The following WWC1 variants were observed in gnomAD, a reference collection of about 807,000 sequenced individuals.
WWC1 encodes the protein protein KIBRA.
WWC1 carries 55 observed loss-of-function variants against 138.4 expected under a neutral mutation model. The observed-to-expected ratio is 0.40, with a 90% CI of 0.32 to 0.50. The LOEUF (loss-of-function observed/expected upper bound fraction) is 0.50. Ranked by LOEUF, WWC1 falls within the 20% of genes least tolerant of loss-of-function variation. The pLI is 0.72. For missense variants in WWC1, 1,226 were observed against 1,420.4 expected (o/e 0.86, Z 2.20); for synonymous variants, 524 against 564.9 (o/e 0.93, Z 1.03).
chr5:168,422,114 G>A lies in WWC1; in HGVS notation c.1274+17G>A. On this transcript the variant is annotated intron_variant, in intron 10 of 22. Transcript: ENST00000265293. Reference sequence around the variant, plus strand: ...GCTGAAAAGGTGAGTGGTGGGCGGTGAGGCCACTGCTCCCCTGGGCATGGC... The same window carrying A: ...GCTGAAAAGGTGAGTGGTGGGCGGTAAGGCCACTGCTCCCCTGGGCATGGC... 2.5e-6 allele frequency: 4 copies of A among 1,610,918 alleles called. No individual in the cohort carries two copies. Among genetic ancestry groups the A allele is most frequent in the South Asian group, 1.1e-5 (1 of 90,666 alleles).
At chr5:168,393,264 G>A (rs1272050597) in intron 3 of WWC1, among the ~76,000 whole-genome samples, 1 of 152,036 alleles carries the variant, frequency 6.6e-6, no homozygotes, top group Admixed American at 6.6e-5. Flanking sequence ...AGACTGAAAG[G>A]GTTCACTGAG....
chr5:168,428,828 G>A (rs375824669), intron 13 of WWC1, 41 bp downstream of exon 13: 1 of 1,605,156 alleles, frequency 6.2e-7, no homozygotes, highest in East Asian at 2.2e-5. Flanking sequence ...AACGGTCTGT[G>A]TGGGGTCCCT....
chr5:168,431,168 G>C, intron 14 of WWC1, 84 bp from the exon 15 acceptor site: 3 of 1,252,654 alleles, frequency 2.4e-6, no homozygotes, highest in Non-Finnish European at 3.4e-6. Context: ...TGTTTGCTTA[G>C]GGATTTCAGC....
chr5:168,343,188 T>G (rs901283218), intron 1 of WWC1, among the ~76,000 whole-genome samples: 1 of 139,146 alleles, frequency 7.2e-6, no homozygotes, highest in Non-Finnish European at 1.6e-5. Flanking sequence ...TTCACTGTGC[T>G]AGGAGATACA....
chr5:168,460,845 C>A, intron 20 of WWC1, 103 bp downstream of exon 20: 1 of 1,194,136 alleles, frequency 8.4e-7, no homozygotes, highest in South Asian at 1.3e-5. Context: ...CATTTCTCCT[C>A]AGCCACTGGC....
chr5:168,414,462 G>A lies in WWC1; in HGVS notation c.1056G>A (p.Lys352=). The change falls in exon 9 of 23, where the codon AAG becomes AAA. Residue 352 remains lysine (K), a synonymous_variant. Coordinates refer to ENST00000265293, the MANE Select transcript of WWC1 (RefSeq NM_015238.3). ...TCAACGAGAAGGAGGAGCTGCTGAA[G>A]GAGATGCGCTTCATCAGCCCCCGCA... is the stretch of plus-strand genomic sequence containing the variant. ...ILINEKEELL[K]EMRFISPRKW... is the part of the protein sequence containing the mutation. The A allele has an allele frequency of 1.3e-6, 2 of 1,573,080 alleles. No individual in the cohort carries two copies. The highest frequency in any genetic ancestry group is 8.6e-7 in the Non-Finnish European group (1 of 1,158,356).
intron 11 of WWC1, among the ~76,000 whole-genome samples, chr5:168,424,314 G>A (rs1215013133): frequency 6.6e-6 from 1 of 152,184 alleles, no homozygotes; most frequent in African/African-American, 2.4e-5. Context: ...AAAACTAAAT[G>A]TCAGGTCATC....
intron 6 of WWC1, among the ~76,000 whole-genome samples, chr5:168,406,982 G>A (rs1322207869): frequency 1.3e-5 from 2 of 150,778 alleles, no homozygotes; most frequent in Non-Finnish European, 2.9e-5. Context: ...GAGAGAGAGA[G>A]TCTTGCTATG....
intron 1 of WWC1, among the ~76,000 whole-genome samples, chr5:168,370,010 C>T (rs1245465109): frequency 6.7e-6 from 1 of 149,544 alleles, no homozygotes; most frequent in Non-Finnish European, 1.5e-5. Flanking sequence ...AAGCAATTCT[C>T]CTGCCTCAGC....
intron 1 of WWC1, among the ~76,000 whole-genome samples, chr5:168,299,524 A>C (rs548915191): frequency 5.3e-5 from 8 of 152,222 alleles, no homozygotes; most frequent in African/African-American, 1.9e-4. Context: ...GCTTGGGTAA[A>C]TGCTCCCAAC....
intron 6 of WWC1, among the ~76,000 whole-genome samples, chr5:168,406,664 G>A (rs370418863): frequency 2.0e-5 from 3 of 152,016 alleles, no homozygotes; most frequent in Non-Finnish European, 4.4e-5. Context: ...AGAGTCGGCC[G>A]GGCGCGGTGG....
At chr5:168,339,521 C>T (rs10070793) in intron 1 of WWC1, among the ~76,000 whole-genome samples, 7,086 of 152,168 alleles carry the variant, frequency 0.047, 560 homozygotes, top group African/African-American at 0.16. Context: ...GGTGGCTTTC[C>T]CTGGTTCTGC....
chr5:168,319,857 C>T (rs1467993303), intron 1 of WWC1, among the ~76,000 whole-genome samples: 2 of 152,192 alleles, frequency 1.3e-5, no homozygotes, highest in Non-Finnish European at 2.9e-5. Flanking sequence ...CACTATTTTA[C>T]ATTCCCACTA....
At chr5:168,401,609 C>T (rs2152832912) in intron 5 of WWC1, among the ~76,000 whole-genome samples, 1 of 152,334 alleles carries the variant, frequency 6.6e-6, no homozygotes, top group Admixed American at 6.5e-5. Flanking sequence ...TTCAGCACAA[C>T]ACATGCTGTA....
intron 1 of WWC1, among the ~76,000 whole-genome samples, chr5:168,351,873 C>T (rs1366703675): frequency 1.3e-5 from 2 of 152,114 alleles, no homozygotes; most frequent in Non-Finnish European, 1.5e-5. Context: ...AGAACTGAGA[C>T]GGGTGTCTGC....
At chr5:168,342,772 A>G (rs1774145611) in intron 1 of WWC1, among the ~76,000 whole-genome samples, 1 of 152,164 alleles carries the variant, frequency 6.6e-6, no homozygotes, top group African/African-American at 2.4e-5. Context: ...AATGACTGGG[A>G]TCCACTGGAA....
In WWC1 at chr5:168,471,851, G is replaced by C. The variant is rs1160296613; in HGVS notation, c.*2834G>C. The C allele has an allele frequency of 6.6e-6, 1 of 152,244 alleles. No individual in the cohort carries two copies. The highest frequency in any genetic ancestry group is 1.5e-5 in the Non-Finnish European group (1 of 68,078). 9.4% of individuals were successfully genotyped at this position (152,244 alleles called of 1,614,324 possible). A position where few individuals can be genotyped will look rare whatever the true frequency, so the allele number is the denominator to read the frequency against. Reference sequence around the variant, plus strand: ...TGGAGACAGAATGGGGGTGTCCTGGGGATCTTGGAGCCTGAATTCATTGGC... The same window carrying C: ...TGGAGACAGAATGGGGGTGTCCTGGCGATCTTGGAGCCTGAATTCATTGGC... On this transcript the variant is annotated 3_prime_UTR_variant, in exon 23 of 23. Coordinates refer to ENST00000265293, the MANE Select transcript of WWC1 (RefSeq NM_015238.3).
chr5:168,341,903 G>A (rs1285391695), intron 1 of WWC1, among the ~76,000 whole-genome samples: 1 of 152,100 alleles, frequency 6.6e-6, no homozygotes, highest in East Asian at 1.9e-4. Context: ...CAGGTGGGCC[G>A]AGAGCATTGG....
In WWC1 at chr5:168,424,117, A is replaced by C. The variant is rs373533538; in HGVS notation, c.1810+49A>C. 2.9e-5 allele frequency: 45 copies of C among 1,536,628 alleles called. 1 individual carries two copies. The African/African-American group carries it at 5.6e-4, about 19-fold the overall frequency. On this transcript the variant is annotated intron_variant, in intron 11 of 22. Coordinates refer to ENST00000265293, the MANE Select transcript of WWC1 (RefSeq NM_015238.3). ...GTGGGAACCAGGAGGAGGGAAAGAG[A>C]TACTCTGTGCTCAGAACCCCCCAGT...
Sources: gnomAD v4.1 joint callset for allele counts (sites outside exome capture counted in the v4.1 genomes callset) on GRCh38, gnomAD v4.1.1 for gene constraint, MANE v1.5 for transcripts, NCBI Gene and HGNC (gene_info 2026-07-23, HGNC 2026-07-21) for gene names.